Variants in UBE4B observed in about 807,000 individuals in gnomAD.
UBE4B encodes the protein ubiquitin conjugation factor E4 B.
Under a neutral mutation model 148.1 loss-of-function variants are expected in UBE4B, and 27 were observed. That is an observed-to-expected ratio of 0.18 (90% CI 0.13 to 0.25). The LOEUF is 0.25. Among genes scored for constraint, UBE4B ranks in the 10% least tolerant of loss-of-function variants. The pLI is 1.00. For missense variants in UBE4B, 1,170 were observed against 1,662.4 expected, an observed-to-expected ratio of 0.70 and a Z score of 5.15; for synonymous variants, 596 against 619.3, an observed-to-expected ratio of 0.96 and a Z score of 0.56.
intron 2 of UBE4B, among the ~76,000 whole-genome samples, chr1:10,078,880 G>A (rs764841815): frequency 6.6e-6 from 1 of 152,072 alleles, no homozygotes; most frequent in South Asian, 2.1e-4. Context: ...ACAGTGGTGC[G>A]ACCATAGCTC....
chr1:10,077,614 C>G (rs1644606144), intron 2 of UBE4B, among the ~76,000 whole-genome samples: 1 of 152,152 alleles, frequency 6.6e-6, no homozygotes, highest in South Asian at 2.1e-4. Flanking sequence ...AGAAATATTT[C>G]TTGTTGGAAA....
chr1:10,066,824 T>G lies in UBE4B; in HGVS notation c.25-5204T>G, dbSNP rs139770914. Among the ~76,000 whole-genome samples, 1,221 of 152,092 alleles carry G rather than the reference T, an allele frequency of 8.0e-3. 11 individuals are homozygous for G. The highest frequency in any genetic ancestry group is 0.027 in the African/African-American group (1,119 of 41,496). Reference sequence around the variant, plus strand: ...GGGAGGCTGAGACAGGAGAATGGCATGAACCCGGGAGGCAGAGGTTGCAGT... The same window carrying G: ...GGGAGGCTGAGACAGGAGAATGGCAGGAACCCGGGAGGCAGAGGTTGCAGT... On this transcript the variant is annotated intron_variant, in intron 1 of 27. Coordinates refer to ENST00000343090, the MANE Select transcript of UBE4B (RefSeq NM_001105562.3).
chr1:10,170,146 A>G (rs1022661984), intron 24 of UBE4B, among the ~76,000 whole-genome samples: 27 of 152,246 alleles, frequency 1.8e-4, no homozygotes, highest in East Asian at 5.8e-4. Flanking sequence ...ACTATTTACT[A>G]TCTGGCCTTT....
chr1:10,143,688 A>G (rs1645820102), intron 17 of UBE4B, among the ~76,000 whole-genome samples: 1 of 152,198 alleles, frequency 6.6e-6, no homozygotes, highest in African/African-American at 2.4e-5. Context: ...TACCATACTC[A>G]TGTTTCAGTT....
chr1:10,179,237 C>A (rs1646471360), intron 26 of UBE4B, 179 bp from the exon 27 acceptor site: 1 of 714,336 alleles, frequency 1.4e-6, no homozygotes, highest in East Asian at 2.8e-5. Context: ...CTTCCCCTTA[C>A]AAAAGGCAAT....
At chr1:10,050,094 A>G (rs1644002471) in intron 1 of UBE4B, among the ~76,000 whole-genome samples, 3 of 152,028 alleles carry the variant, frequency 2.0e-5, no homozygotes. Flanking sequence ...TTTTTTTGAG[A>G]CAGAGTCTTG....
At chr1:10,066,956 C>T (rs1644397523) in intron 1 of UBE4B, among the ~76,000 whole-genome samples, 2 of 152,062 alleles carry the variant, frequency 1.3e-5, no homozygotes, top group South Asian at 2.1e-4. Context: ...TCCAAGGAGA[C>T]TACCCCAAAG....
chr1:10,133,060 G>A (rs1302211969), intron 15 of UBE4B, among the ~76,000 whole-genome samples: 2 of 146,850 alleles, frequency 1.4e-5, no homozygotes, highest in Non-Finnish European at 3.1e-5. Context: ...AACAGAAGGG[G>A]GCAGCCAGGA....
chr1:10,119,428 T>G (rs1428249557), intron 8 of UBE4B, 85 bp from the exon 9 acceptor site: 1 of 1,338,424 alleles, frequency 7.5e-7, no homozygotes, highest in Non-Finnish European at 1.1e-6. Context: ...TTACTGATGG[T>G]CCATCCCTTT....
At chr1:10,137,921 CTTTTTTTTTTTTTTTTTT>C (rs70998351) in intron 17 of UBE4B, among the ~76,000 whole-genome samples, 1 of 66,982 alleles carries the variant, frequency 1.5e-5, no homozygotes, top group African/African-American at 6.9e-5. Context: ...CTTACTAATT[CTTTTTTTTTTTTTTTTTT>C]TTTTTTTTTT....
intron 18 of UBE4B, 103 bp from the exon 19 acceptor site, chr1:10,146,860 G>A: frequency 4.8e-6 from 7 of 1,447,636 alleles, no homozygotes; most frequent in Non-Finnish European, 6.6e-6. Context: ...TAGAAGCTCT[G>A]GAACCCAAAT....
At chr1:10,145,071 C>T (rs1258943564) in intron 18 of UBE4B, 32 bp downstream of exon 18, 3 of 1,558,984 alleles carry the variant, frequency 1.9e-6, no homozygotes, top group Non-Finnish European at 2.6e-6. Context: ...AATTATAGAC[C>T]AGCCTCATAG....
At position 10,130,592 on chromosome 1, in the gene UBE4B, C is replaced by T. The variant is rs1218152627; in HGVS notation, c.1788C>T (p.Ser596=). The change falls in exon 13 of 28, where the codon AGC becomes AGT. Residue 596 remains serine, a synonymous_variant. Coordinates refer to ENST00000343090, the MANE Select transcript of UBE4B (RefSeq NM_001105562.3). ...QRLSYLGAFF[S]FSVFAEDDVK... ...TCTCTTACTTAGGGGCTTTCTTTAG[C>T]TTCTCAGTCTTTGCAGAAGATGATG... The T allele has an allele frequency of 1.9e-6, 3 of 1,614,188 alleles. No individual in the cohort carries two copies. The highest frequency in any genetic ancestry group is 1.7e-5 in the Admixed American group (1 of 60,032).
intron 1 of UBE4B, among the ~76,000 whole-genome samples, chr1:10,069,786 G>A (rs559850950): frequency 4.6e-5 from 7 of 152,168 alleles, no homozygotes; most frequent in Non-Finnish European, 7.4e-5. Context: ...CCACCGCCTC[G>A]GACTCCCCTC....
In UBE4B at chr1:10,105,641, G is replaced by A; in HGVS notation, c.706G>A (p.Ala236Thr). 6.2e-7 allele frequency: 1 copy of A among 1,614,194 alleles called. No individual in the cohort carries two copies. Among genetic ancestry groups the A allele is most frequent in the Non-Finnish European group, 8.5e-7 (1 of 1,180,042 alleles). The change falls in exon 6 of 28, where the codon GCA becomes ACA. Residue 236 changes from alanine (A) to threonine (T), a missense_variant. Ala to Thr is a moderately conservative substitution (Grantham distance 58, BLOSUM62 0). Around this residue, in one of 6 missense-constraint regions of UBE4B, gnomAD observed 214 missense variants for 209.1 expected, o/e 1.02. Transcript: ENST00000343090. ...TATSQPIAAAARSPDRNLLLN... is the reference protein window; with the variant it reads ...TATSQPIAAATRSPDRNLLLN... The stretch of plus-strand genomic sequence containing the variant: ...CACATCACAGCCAATTGCTGCAGCA[G>A]CACGGTCACCAGACAGAAATCTCTT...
chr1:10,099,907 C>T (rs76052456), intron 3 of UBE4B, among the ~76,000 whole-genome samples: 5 of 152,120 alleles, frequency 3.3e-5, no homozygotes, highest in Admixed American at 1.3e-4. Flanking sequence ...ATTGTTCAAT[C>T]GGGGATAAAT....
chr1:10,161,404 A>AT lies in UBE4B; in HGVS notation c.3198+122dup, dbSNP rs1646158780. The stretch of plus-strand genomic sequence containing the variant: ...ATGATATGCGATCTGACATGCTGGG[A>AT]TTTTCCTTCCATGAAATCATATTGC... On this transcript the variant is annotated intron_variant, in intron 23 of 27. Coordinates refer to ENST00000343090, the MANE Select transcript of UBE4B (RefSeq NM_001105562.3). The surrounding 1 kb of genome is among the most constrained non-coding windows in gnomAD (Gnocchi z 4.1). 2 of 1,208,820 alleles carry AT rather than the reference A, an allele frequency of 1.7e-6. No individual in the cohort carries two copies. The highest frequency in any genetic ancestry group is 3.9e-5 in the South Asian group (2 of 51,236). 74.9% of individuals were successfully genotyped at this position (1,208,820 alleles called of 1,614,324 possible). A position where few individuals can be genotyped will look rare whatever the true frequency, so the allele number is the denominator to read the frequency against.
intron 1 of UBE4B, among the ~76,000 whole-genome samples, chr1:10,035,599 G>T (rs1247821772): frequency 1.4e-5 from 2 of 147,940 alleles, no homozygotes; most frequent in African/African-American, 5.0e-5. Flanking sequence ...GTAGAGACGG[G>T]GTTTCACTGT....
intron 15 of UBE4B, among the ~76,000 whole-genome samples, chr1:10,133,506 G>C (rs942062466): frequency 1.3e-5 from 2 of 152,194 alleles, no homozygotes; most frequent in African/African-American, 4.8e-5. Flanking sequence ...AGGTAATCAA[G>C]TTACATTGTT....
Sources: allele counts gnomAD v4.1 joint callset (sites outside exome capture counted in the v4.1 genomes callset), GRCh38; gene constraint gnomAD v4.1.1; regional missense constraint gnomAD v4.1.1; non-coding constraint Gnocchi (gnomAD v3.1); transcripts MANE v1.5; gene names NCBI Gene and HGNC (gene_info 2026-07-23, HGNC 2026-07-21).